Variants in ZNF888 observed in about 807,000 individuals in gnomAD.
ZNF888 encodes the protein zinc finger protein 888.
ZNF888 carries 5 observed loss-of-function variants against 7.2 expected under a neutral mutation model. The observed-to-expected ratio is 0.70, with a 90% CI of 0.36 to 1.46. The LOEUF is 1.46. Among genes scored for constraint, ZNF888 ranks in the 40% most tolerant of loss-of-function variants. The pLI is 0.03. For synonymous variants in ZNF888, 240 were observed against 284.3 expected (o/e 0.84, Z 1.57); for missense variants, 716 against 858.0 (o/e 0.83, Z 2.07).
At chr19:52,919,930 C>T (rs1387733631) in intron 1 of ZNF888, among the ~76,000 whole-genome samples, 7 of 60,440 alleles carry the variant, frequency 1.2e-4, no homozygotes, top group East Asian at 3.0e-4. Flanking sequence ...CGGCAGCCAC[C>T]CCGTCTGGGA....
rs1287316084 is a variant in ZNF888, at chr19:52,907,736, A to G, written c.586T>C (p.Phe196Leu). The G allele has an allele frequency of 2.7e-5, 44 of 1,613,530 alleles. No homozygotes were observed. The East Asian group carries it at 8.9e-4, about 33-fold the overall frequency. ...TTCTGTGTGAGTAATGAAGAATGGA[A>G]GAAATTATTCCCATAGTTATTAGAA... ...HISNNYGNNF[F>L]HSSLLTQKQD... is the part of the protein sequence containing the mutation. The change falls in exon 5 of 5, where the codon TTC (phenylalanine) becomes CTC (leucine). Residue 196 changes from phenylalanine to leucine, a missense_variant. Phe to Leu is a conservative substitution (Grantham distance 22). This residue lies in a region of ZNF888 where 697 missense variants were observed against 803.4 expected (regional missense o/e 0.87). Transcript: ENST00000638862.
rs143175967 is a variant in ZNF888 at position 52,922,632 on chromosome 19, T to C, written c.-178+737A>G. Reference sequence around the variant, plus strand: ...CCATCCCCTACTTTGCCATCTGTTATGGGTCTTTCTCCTTCTTCTTTTATC... The same window carrying C: ...CCATCCCCTACTTTGCCATCTGTTACGGGTCTTTCTCCTTCTTCTTTTATC... On this transcript the variant is annotated intron_variant, in intron 1 of 4. Transcript: ENST00000638862. Among the ~76,000 whole-genome samples the C allele has an allele frequency of 4.5e-3, 690 of 152,262 alleles. 4 individuals carry two copies. The highest frequency in any genetic ancestry group is 7.4e-3 in the Non-Finnish European group (501 of 68,032).
At chr19:52,909,075 G>A (rs1048456794) in intron 4 of ZNF888, among the ~76,000 whole-genome samples, 4 of 151,418 alleles carry the variant, frequency 2.6e-5, no homozygotes, top group Non-Finnish European at 5.9e-5. Context: ...AACCCGGGAG[G>A]CGAAGATAGT....
chr19:52,921,609 T>C (rs996717148), intron 1 of ZNF888: 2 of 957,050 alleles, frequency 2.1e-6, no homozygotes, highest in East Asian at 2.3e-4. Context: ...TAACATTTAA[T>C]TTTTCCTTAC....
rs2064676667 is a variant in ZNF888 at position 52,911,394 on chromosome 19, A to G, written c.143-3215T>C. The stretch of plus-strand genomic sequence containing the variant: ...TGCTCTGTCGCCCAGGCTGGAGTGC[A>G]GTGGCATGATCTCAGCTCACTGCAA... On this transcript the variant is annotated intron_variant, in intron 4 of 4. Transcript: ENST00000638862. Among the ~76,000 whole-genome samples, 3 of 149,290 alleles carry G rather than the reference A, an allele frequency of 2.0e-5. No individual in the cohort carries two copies. The Admixed American group carries it at 2.0e-4, about 10-fold the overall frequency.
intron 1 of ZNF888, among the ~76,000 whole-genome samples, chr19:52,920,533 G>GAAAAAAAAAAAAAAAAAAAAAAAAAAAAA: frequency 4.0e-5 from 1 of 24,804 alleles, no homozygotes; most frequent in Non-Finnish European, 8.3e-5. Context: ...AAAAGAAAAG[G>GAAAAAAAAAAAAAAAAAAAAAAAAAAAAA]AAAAAAAAAA....
rs528283723 is a variant in ZNF888, at chr19:52,905,851, A to G, written c.*314T>C. ...GACATTTGTAAGATTTCTGTCCAGT[A>G]TGGATTCTTTGATGTCTAATGAGGT... On this transcript the variant is annotated 3_prime_UTR_variant, in exon 5 of 5. Transcript: ENST00000638862. 2.5e-5 allele frequency: 18 copies of G among 727,574 alleles called. No homozygotes were observed. Among genetic ancestry groups the G allele is most frequent in the Non-Finnish European group, 4.5e-5 (18 of 397,872 alleles). 45.1% of individuals were successfully genotyped at this position (727,574 alleles called of 1,614,324 possible).
At chr19:52,913,295 A>G (rs372221589) in intron 4 of ZNF888, among the ~76,000 whole-genome samples, 4 of 151,734 alleles carry the variant, frequency 2.6e-5, no homozygotes, top group Non-Finnish European at 4.4e-5. Flanking sequence ...ACTGGAGAAG[A>G]AGTAGTTTTT....
intron 3 of ZNF888, among the ~76,000 whole-genome samples, chr19:52,916,503 T>C (rs556075678): frequency 1.3e-5 from 2 of 151,420 alleles, no homozygotes; most frequent in South Asian, 4.2e-4. Context: ...TATGTGTATG[T>C]ACATGTGTGT....
chr19:52,921,568 T>C (rs189462992), intron 1 of ZNF888: 1 of 797,558 alleles, frequency 1.3e-6, no homozygotes, highest in East Asian at 1.3e-4. Flanking sequence ...TAAAGAAACT[T>C]CTTTTGCAAG....
intron 3 of ZNF888, among the ~76,000 whole-genome samples, chr19:52,916,610 A>G (rs1037814271): frequency 5.9e-5 from 3 of 51,172 alleles, no homozygotes; most frequent in Admixed American, 5.4e-4. Context: ...ATACATATAC[A>G]TATACATATA....
At chr19:52,920,938 TAA>T (rs145361548) in intron 1 of ZNF888, among the ~76,000 whole-genome samples, 3 of 6,530 alleles carry the variant, frequency 4.6e-4, no homozygotes, top group African/African-American at 1.1e-3. Context: ...CTTCAAATAT[TAA>T]AAAAAAAAAA....
chr19:52,911,951 G>A (rs1051928199), intron 4 of ZNF888, among the ~76,000 whole-genome samples: 9 of 151,434 alleles, frequency 5.9e-5, no homozygotes, highest in Middle Eastern at 3.4e-3. Flanking sequence ...CAGGTTGCTG[G>A]GACTACAGGC....
Position 52,906,447 on chromosome 19 carries a change from C to T in ZNF888, c.1875G>A (p.Arg625=). ...FNIKSHLEIH[R]RVHTGEKPYK... is the part of the protein sequence containing the mutation. ...ATGGTTTCTCTCCAGTATGAACTCT[C>T]CTATGTATTTCAAGGTGTGATTTGA... Residue 625 remains arginine, a synonymous_variant, in exon 5 of 5, where the codon AGG becomes AGA. Coordinates refer to ENST00000638862, the MANE Select transcript of ZNF888 (RefSeq NM_001393938.1). 1.2e-6 allele frequency: 2 copies of T among 1,613,136 alleles called. No homozygotes were observed. Among genetic ancestry groups the T allele is most frequent in the Non-Finnish European group, 1.7e-6 (2 of 1,179,578 alleles).
rs562348600 is a variant in ZNF888, at chr19:52,917,851, C to A, written c.15+8G>T. 1 of 1,613,564 alleles carries A rather than the reference C, an allele frequency of 6.2e-7. No homozygotes were observed. Among genetic ancestry groups the A allele is most frequent in the Admixed American group, 1.7e-5 (1 of 60,026 alleles). On this transcript the variant is annotated splice_region_variant and intron_variant, in intron 3 of 4. Coordinates refer to ENST00000638862, the MANE Select transcript of ZNF888 (RefSeq NM_001393938.1). ...AGACAGAACAATCCACAGAGAATAT[C>A]ATCTCACCTGAGGAAGAGCCATCCC...
intron 1 of ZNF888, 147 bp downstream of exon 1, chr19:52,923,222 T>A: frequency 2.2e-6 from 2 of 915,622 alleles, no homozygotes; most frequent in Non-Finnish European, 2.6e-6. Flanking sequence ...GGAAGTGACT[T>A]CCGGACTCCT....
Position 52,906,566 on chromosome 19 carries a change from C to T in ZNF888, c.1756G>A (p.Val586Ile). 6.2e-7 allele frequency: 1 copy of T among 1,613,724 alleles called. No homozygotes were observed. The highest frequency in any genetic ancestry group is 1.1e-5 in the South Asian group (1 of 91,064). The change falls in exon 5 of 5, where the codon GTT (valine) becomes ATT (isoleucine). Residue 586 changes from valine to isoleucine, a missense_variant. By Grantham distance (29) the Val-to-Ile change is conservative. Around this residue, in one of 2 missense-constraint regions of ZNF888, gnomAD observed 697 missense variants for 803.4 expected, o/e 0.87. Transcript: ENST00000638862. ...KPYKCNECGK[V>I]FRTQSQLACH... ...GCAAGTTGTGACTGTGTCCTAAAAACCTTGCCACATTCATTACACTTGTAA... is the reference window on the plus strand; with the variant it reads ...GCAAGTTGTGACTGTGTCCTAAAAATCTTGCCACATTCATTACACTTGTAA...
rs375861828 is a variant in ZNF888, at chr19:52,910,476, AATAAG to A, written c.143-2302_143-2298del. On this transcript the variant is annotated intron_variant, in intron 4 of 4. Coordinates refer to ENST00000638862, the MANE Select transcript of ZNF888 (RefSeq NM_001393938.1). ...AGAGAATGCGACTACATCTCAAAAAAATAAGATAAATAACTACTTCTCAAATAAGC... is the reference window on the plus strand; with the variant it reads ...AGAGAATGCGACTACATCTCAAAAAAATAAATAACTACTTCTCAAATAAGC... Among the ~76,000 whole-genome samples the A allele has an allele frequency of 2.8e-3, 428 of 152,230 alleles. 1 individual carries two copies. Among genetic ancestry groups the A allele is most frequent in the African/African-American group, 8.7e-3 (363 of 41,560 alleles).
intron 3 of ZNF888, 119 bp downstream of exon 3, chr19:52,917,740 G>A (rs2064768134): frequency 9.7e-6 from 15 of 1,544,962 alleles, no homozygotes; most frequent in Non-Finnish European, 1.3e-5. Context: ...GAAGGCATGG[G>A]TGAGTGTGAG....
Sources: gnomAD v4.1 joint callset for allele counts (sites outside exome capture counted in the v4.1 genomes callset) on GRCh38, gnomAD v4.1.1 for gene constraint, gnomAD v4.1.1 regional missense constraint, MANE v1.5 for transcripts, NCBI Gene and HGNC (gene_info 2026-07-23, HGNC 2026-07-21) for gene names.